LRP6: variants seen among roughly 807,000 people sequenced by gnomAD.
LRP6 encodes LDL receptor related protein 6, also known as low-density lipoprotein receptor-related protein 6.
A neutral mutation model predicts 184.1 loss-of-function variants in LRP6; 43 were observed. That is an observed-to-expected ratio of 0.23 (90% CI 0.18 to 0.30). LRP6 has a LOEUF of 0.30. Among genes scored for constraint, LRP6 ranks in the 10% least tolerant of loss-of-function variants. The pLI, the probability that LRP6 is intolerant of heterozygous loss-of-function variation, is 1.00. For synonymous variants in LRP6, 719 were observed against 684.9 expected, an observed-to-expected ratio of 1.05 and a Z score of -0.78; for missense variants, 1,571 against 2,005.3, an observed-to-expected ratio of 0.78 and a Z score of 4.14.
chr12:12,262,608 C>A (rs567584950), intron 1 of LRP6, among the ~76,000 whole-genome samples: 5 of 150,698 alleles, frequency 3.3e-5, no homozygotes, highest in African/African-American at 1.2e-4. Flanking sequence ...AGATTACACA[C>A]ACCGATGGTA....
chr12:12,239,188 TA>T (rs753378098), intron 2 of LRP6, among the ~76,000 whole-genome samples: 6 of 152,196 alleles, frequency 3.9e-5, no homozygotes, highest in Non-Finnish European at 8.8e-5. Flanking sequence ...TTCAAAACTG[TA>T]AGTTGTTTAC....
chr12:12,149,510 G>A (rs917743521), intron 13 of LRP6, among the ~76,000 whole-genome samples: 8 of 152,158 alleles, frequency 5.3e-5, no homozygotes, highest in Non-Finnish European at 8.8e-5. Context: ...CTAAAGCAGC[G>A]GATTGCAACT....
At chr12:12,184,546 G>A (rs1453354840) in intron 4 of LRP6, among the ~76,000 whole-genome samples, 2 of 152,172 alleles carry the variant, frequency 1.3e-5, no homozygotes, top group Non-Finnish European at 2.9e-5. Flanking sequence ...TCAAGGATAG[G>A]AAGGATAGAT....
chr12:12,216,930 CT>C (rs1419586397), intron 2 of LRP6, among the ~76,000 whole-genome samples: 3 of 151,898 alleles, frequency 2.0e-5, no homozygotes, highest in Non-Finnish European at 4.4e-5. Flanking sequence ...ATATAAGAGC[CT>C]TTCTAATTTG....
intron 1 of LRP6, among the ~76,000 whole-genome samples, chr12:12,262,710 G>GT (rs1212120150): frequency 1.3e-5 from 2 of 152,130 alleles, no homozygotes; most frequent in Non-Finnish European, 2.9e-5. Context: ...TAAGAAAATG[G>GT]TAAGGATGGC....
intron 3 of LRP6, chr12:12,187,642 C>CT (rs1863507711): frequency 1.7e-5 from 3 of 172,790 alleles, no homozygotes; most frequent in African/African-American, 7.2e-5. Flanking sequence ...GTTTTGATAA[C>CT]TGAGAATGAA....
chr12:12,150,257 T>A (rs540413550), intron 13 of LRP6, among the ~76,000 whole-genome samples: 1 of 152,148 alleles, frequency 6.6e-6, no homozygotes, highest in South Asian at 2.1e-4. Context: ...CTCATTCCCA[T>A]CCCACAGTCA....
At chr12:12,199,008 G>A (rs1310176505) in intron 3 of LRP6, among the ~76,000 whole-genome samples, 2 of 152,002 alleles carry the variant, frequency 1.3e-5, no homozygotes, top group Non-Finnish European at 2.9e-5. Context: ...ATGTTAAAAT[G>A]TGCACTAGAC....
intron 16 of LRP6, 66 bp downstream of exon 16, chr12:12,138,259 A>G (rs1949874763): frequency 7.0e-7 from 1 of 1,430,818 alleles, no homozygotes; most frequent in Non-Finnish European, 9.9e-7. Flanking sequence ...AAAAATCCAC[A>G]AAAGTACATA....
At chr12:12,237,131 G>A (rs1864948339) in intron 2 of LRP6, among the ~76,000 whole-genome samples, 1 of 152,136 alleles carries the variant, frequency 6.6e-6, no homozygotes, top group African/African-American at 2.4e-5. Context: ...AAGGGATTAG[G>A]AGTTCCATGT....
chr12:12,234,064 C>A (rs541517665), intron 2 of LRP6, among the ~76,000 whole-genome samples: 1 of 151,848 alleles, frequency 6.6e-6, no homozygotes, highest in African/African-American at 2.4e-5. Flanking sequence ...CCGAGGCAGG[C>A]GGATCACAAG....
At chr12:12,241,071 TAC>T (rs1865052369) in intron 2 of LRP6, among the ~76,000 whole-genome samples, 1 of 152,206 alleles carries the variant, frequency 6.6e-6, no homozygotes, top group African/African-American at 2.4e-5. Flanking sequence ...ATGGACTGAT[TAC>T]ACAAAGAACT....
chr12:12,212,832 A>T (rs1864246572), intron 2 of LRP6, among the ~76,000 whole-genome samples: 1 of 152,176 alleles, frequency 6.6e-6, no homozygotes, highest in South Asian at 2.1e-4. Flanking sequence ...CATCAAAATT[A>T]GTTTCTGAGG....
intron 3 of LRP6, among the ~76,000 whole-genome samples, chr12:12,196,826 T>C (rs1863775004): frequency 6.6e-6 from 1 of 152,170 alleles, no homozygotes; most frequent in Admixed American, 6.5e-5. Context: ...GGCAGTAGTG[T>C]GTTCTTACAC....
chr12:12,218,198 C>A (rs1864396762), intron 2 of LRP6, among the ~76,000 whole-genome samples: 1 of 152,124 alleles, frequency 6.6e-6, no homozygotes, highest in Non-Finnish European at 1.5e-5. Context: ...ACTTACCAGG[C>A]ATAGTGGTTC....
At chr12:12,251,650 G>A (rs946864195) in intron 1 of LRP6, among the ~76,000 whole-genome samples, 1 of 152,162 alleles carries the variant, frequency 6.6e-6, no homozygotes, top group Non-Finnish European at 1.5e-5. Context: ...TTACAGGCAT[G>A]AGCCACGGTG....
Position 12,126,900 on chromosome 12 carries a change from G to A in LRP6, c.4103C>T (p.Pro1368Leu). The A allele has an allele frequency of 6.2e-7, 1 of 1,614,086 alleles. No homozygotes were observed. Among genetic ancestry groups the A allele is most frequent in the East Asian group, 2.2e-5 (1 of 44,878 alleles). ...LDCYPTEEPA[P>L]QATNTVGSVI... ...AGAACCAACTGTATTGGTGGCCTGT[G>A]GTGCTGGTTCTTCAGTCGGATCTAC... is the stretch of plus-strand genomic sequence containing the variant. The change falls in exon 20 of 23, where the codon CCA (proline) becomes CTA (leucine). Residue 1368 changes from proline (P) to leucine (L), a missense_variant. Coordinates refer to ENST00000261349, the MANE Select transcript of LRP6 (RefSeq NM_002336.3).
At chr12:12,215,599 C>T (rs1216823269) in intron 2 of LRP6, among the ~76,000 whole-genome samples, 2 of 151,828 alleles carry the variant, frequency 1.3e-5, no homozygotes, top group Non-Finnish European at 2.9e-5. Context: ...GATCCGCCCG[C>T]CTCGGCCTCC....
chr12:12,234,498 G>A (rs1031385057), intron 2 of LRP6, among the ~76,000 whole-genome samples: 1 of 151,774 alleles, frequency 6.6e-6, no homozygotes, highest in Non-Finnish European at 1.5e-5. Context: ...AGCATCTACT[G>A]TATGTTACTC....
Sources: allele counts gnomAD v4.1 joint callset (sites outside exome capture counted in the v4.1 genomes callset), GRCh38; gene constraint gnomAD v4.1.1; transcripts MANE v1.5; gene names NCBI Gene and HGNC (gene_info 2026-07-23, HGNC 2026-07-21).